PCDH15: variants seen among roughly 807,000 people sequenced by gnomAD.
PCDH15 encodes the protein protocadherin related 15, also known as protocadherin-15.
A neutral mutation model predicts 178.5 loss-of-function variants in PCDH15; 129 were observed. That is an observed-to-expected ratio of 0.72 (90% confidence interval 0.63 to 0.84). PCDH15 has a LOEUF of 0.84. Ranked by LOEUF, PCDH15 falls within the 40% of genes least tolerant of loss-of-function variation. The pLI, the probability that PCDH15 is intolerant of heterozygous loss-of-function variation, is 0.00. For missense variants in PCDH15, 2,230 were observed against 2,099.9 expected (o/e 1.06, Z -1.21); for synonymous variants, 800 against 732.0 (o/e 1.09, Z -1.50).
rs1841036684 is a variant in PCDH15 at position 53,804,452 on chromosome 10, A to G, written c.*2127T>C. The G allele has an allele frequency of 6.6e-6, 1 of 151,924 alleles. No homozygotes were observed. The highest frequency in any genetic ancestry group is 2.4e-5 in the African/African-American group (1 of 41,388). The allele number at this position is 151,924 out of a possible 1,614,324, so 9.4% of individuals were successfully genotyped here. A position where few individuals can be genotyped will look rare whatever the true frequency, so the allele number is the denominator to read the frequency against. On this transcript the variant is annotated 3_prime_UTR_variant, in exon 38 of 38. Coordinates refer to ENST00000644397, the MANE Select transcript of PCDH15 (RefSeq NM_001384140.1). The stretch of plus-strand genomic sequence containing the variant: ...CCTAATTCCCATCTTAAGCTTCATG[A>G]TTTTTCAACATTAAGAAAACAAACA...
chr10:54,697,124 AG>A (rs2095239985), intron 1 of PCDH15, among the ~76,000 whole-genome samples: 1 of 152,128 alleles, frequency 6.6e-6, no homozygotes, highest in Non-Finnish European at 1.5e-5. Context: ...GCAGAAATAA[AG>A]TTATTTTATT....
At chr10:55,231,880 G>A (rs1368246958) in intron 1 of PCDH15, among the ~76,000 whole-genome samples, 1 of 151,656 alleles carries the variant, frequency 6.6e-6, no homozygotes, top group Non-Finnish European at 1.5e-5. Flanking sequence ...TTTCTGTAAA[G>A]AACAAGTAGA....
chr10:54,617,136 T>C (rs2134349193), intron 2 of PCDH15, among the ~76,000 whole-genome samples: 1 of 123,016 alleles, frequency 8.1e-6, no homozygotes, highest in South Asian at 2.5e-4. Flanking sequence ...CCTCAGATGA[T>C]CCACCAGCCT....
chr10:55,005,418 TAAC>T (rs1047059360), intron 2 of PCDH15, among the ~76,000 whole-genome samples: 3 of 152,110 alleles, frequency 2.0e-5, no homozygotes, highest in Non-Finnish European at 4.4e-5. Flanking sequence ...TTTTAGCAGA[TAAC>T]AACTTTAAGA....
intron 15 of PCDH15, among the ~76,000 whole-genome samples, chr10:54,095,655 C>A (rs749593760): frequency 4.6e-5 from 7 of 152,118 alleles, no homozygotes; most frequent in Admixed American, 1.3e-4. Flanking sequence ...ATAGCAGAAT[C>A]ACTGCTGGTA....
chr10:54,655,284 G>GAGAGAGAGAGAC (rs2094363947), intron 2 of PCDH15, among the ~76,000 whole-genome samples: 1 of 126,662 alleles, frequency 7.9e-6, no homozygotes, highest in Admixed American at 7.4e-5. Flanking sequence ...GAGAGAGAGA[G>GAGAGAGAGAGAC]AGAGAGAGAG....
chr10:55,450,938 G>T lies in PCDH15; in HGVS notation c.-156+176687C>A, dbSNP rs897665621. ...ATTATATTTTAAGAATTAGATACAT[G>T]GAAGAAGGGGTAAGAACTATATATA... On this transcript the variant is annotated intron_variant, in intron 2 of 5. Transcript: ENST00000613346. 1.4e-4 allele frequency among the ~76,000 whole-genome samples: 17 copies of T among 121,704 alleles called. 1 individual carries two copies. Among genetic ancestry groups the T allele is most frequent in the Non-Finnish European group, 2.6e-4 (16 of 61,434 alleles). 79.8% of individuals were successfully genotyped at this position (121,704 alleles called of 152,430 possible).
At chr10:54,096,101 C>T (rs2094694064) in intron 15 of PCDH15, among the ~76,000 whole-genome samples, 1 of 152,006 alleles carries the variant, frequency 6.6e-6, no homozygotes. Context: ...AATAATTTGC[C>T]AAAGTTTACA....
chr10:54,256,134 A>G (rs1326820202), intron 8 of PCDH15, among the ~76,000 whole-genome samples: 1 of 152,056 alleles, frequency 6.6e-6, no homozygotes, highest in African/African-American at 2.4e-5. Flanking sequence ...GCCACAATAA[A>G]CCACTTGGGA....
intron 3 of PCDH15, among the ~76,000 whole-genome samples, chr10:54,492,008 T>G (rs2079641138): frequency 6.6e-6 from 1 of 152,188 alleles, no homozygotes. Context: ...TAAAGTAATA[T>G]GTCATTTGTT....
chr10:54,455,040 G>T (rs2076730373), intron 3 of PCDH15, among the ~76,000 whole-genome samples: 1 of 151,992 alleles, frequency 6.6e-6, no homozygotes, highest in Non-Finnish European at 1.5e-5. Context: ...TTTTATAAGG[G>T]GTTTTTCCCT....
At chr10:54,446,142 C>T (rs1283822536) in intron 3 of PCDH15, among the ~76,000 whole-genome samples, 2 of 151,626 alleles carry the variant, frequency 1.3e-5, no homozygotes, top group Non-Finnish European at 3.0e-5. Context: ...CAAAAACAAA[C>T]TAGTACACAA....
rs538906214 is a variant in PCDH15 at position 53,932,927 on chromosome 10, C to A, written c.3373+5888G>T. ...TTGTCTTTGCCATAGTGAGTTCTCA[C>A]AAGATCTGGTTGTTGAAAATTGTGT... On this transcript the variant is annotated intron_variant, in intron 25 of 37. Coordinates refer to ENST00000644397, the MANE Select transcript of PCDH15 (RefSeq NM_001384140.1). Among the ~76,000 whole-genome samples, 23 of 152,192 alleles carry A rather than the reference C, an allele frequency of 1.5e-4. No individual in the cohort carries two copies. The South Asian group carries it at 3.1e-3, about 21-fold the overall frequency.
At chr10:54,860,750 A>T (rs1421589677) in intron 3 of PCDH15, among the ~76,000 whole-genome samples, 2 of 152,142 alleles carry the variant, frequency 1.3e-5, no homozygotes, top group Non-Finnish European at 2.9e-5. Context: ...TGGCTGAACT[A>T]ATTTTTATTC....
intron 3 of PCDH15, among the ~76,000 whole-genome samples, chr10:54,860,783 G>A (rs894223307): frequency 2.6e-5 from 4 of 152,124 alleles, no homozygotes; most frequent in Non-Finnish European, 5.9e-5. Context: ...CTGAAAATTT[G>A]AAGTGGATGT....
intron 1 of PCDH15, among the ~76,000 whole-genome samples, chr10:55,282,323 G>A (rs1247986628): frequency 6.6e-6 from 1 of 151,936 alleles, no homozygotes; most frequent in Admixed American, 6.6e-5. Context: ...ATTTTCACCT[G>A]GTTAACTCTC....
intron 2 of PCDH15, among the ~76,000 whole-genome samples, chr10:55,446,113 T>G (rs1030365375): frequency 6.6e-6 from 1 of 152,040 alleles, no homozygotes; most frequent in African/African-American, 2.4e-5. Context: ...TCTAAATAAC[T>G]TTTTCACTTT....
At chr10:55,380,507 T>C (rs1837508197) in intron 2 of PCDH15, among the ~76,000 whole-genome samples, 1 of 152,138 alleles carries the variant, frequency 6.6e-6, no homozygotes, top group African/African-American at 2.4e-5. Flanking sequence ...AAAAGCAAAT[T>C]TGTTTGCTGA....
At chr10:54,784,240 C>A (rs1274285790) in intron 1 of PCDH15, among the ~76,000 whole-genome samples, 1 of 151,434 alleles carries the variant, frequency 6.6e-6, no homozygotes, top group African/African-American at 2.4e-5. Context: ...CTCCACTATA[C>A]AATTTATCCA....
Sources: gnomAD v4.1 joint callset for allele counts (sites outside exome capture counted in the v4.1 genomes callset) on GRCh38, gnomAD v4.1.1 for gene constraint, MANE v1.5 for transcripts, NCBI Gene and HGNC (gene_info 2026-07-23, HGNC 2026-07-21) for gene names.